Variants in CPM observed in about 807,000 individuals in gnomAD.
The protein encoded by CPM is renal carboxypeptidase.
In CPM, 35 loss-of-function variants were observed where a neutral mutation model predicts 46.4. The observed-to-expected ratio is 0.75, with a 90% CI of 0.58 to 1.00. The LOEUF (loss-of-function observed/expected upper bound fraction) is 1.00, where lower values mean the gene tolerates loss of function less well. CPM is among the 50% of genes least tolerant of loss of function. The pLI, the probability that CPM is intolerant of heterozygous loss-of-function variation, is 0.00. For synonymous variants in CPM, 195 were observed against 195.3 expected, an observed-to-expected ratio of 1.00 and a Z score of 0.01; for missense variants, 422 against 530.4, an observed-to-expected ratio of 0.80 and a Z score of 2.01.
chr12:68,951,471 G>T (rs12310488), intron 1 of CPM, among the ~76,000 whole-genome samples: 5,900 of 152,174 alleles, frequency 0.039, 151 homozygotes, highest in East Asian at 0.088. Context: ...GGTGAGTAGG[G>T]GAGAGGAGTA....
chr12:68,866,853 C>T, intron 7 of CPM, 43 bp downstream of exon 7: 2 of 1,554,888 alleles, frequency 1.3e-6, no homozygotes, highest in South Asian at 1.1e-5. Context: ...GCCAGATGCT[C>T]TATTTTGTAT....
chr12:68,874,342 G>A (rs187236934), intron 3 of CPM, among the ~76,000 whole-genome samples: 64 of 152,232 alleles, frequency 4.2e-4, no homozygotes, highest in Admixed American at 1.2e-3. Context: ...GGGGCTGGGC[G>A]TGGAGGCTTA....
intron 1 of CPM, among the ~76,000 whole-genome samples, chr12:68,941,431 T>C (rs1381331590): frequency 5.3e-5 from 8 of 152,140 alleles, no homozygotes; most frequent in African/African-American, 1.9e-4. Context: ...TGGAGTGCAG[T>C]GACGTGATCA....
At chr12:68,935,436 T>G (rs1233081189), upstream of CPM, among the ~76,000 whole-genome samples, 1 of 151,570 alleles carries the variant, frequency 6.6e-6, no homozygotes, top group Non-Finnish European at 1.5e-5. Flanking sequence ...AACTTTTGTA[T>G]TTTTACACCA....
rs1201198906 is a variant in CPM, at chr12:68,852,936, T to C, written c.*3501A>G. 1.3e-5 allele frequency: 2 copies of C among 152,056 alleles called. No individual in the cohort carries two copies. Among genetic ancestry groups the C allele is most frequent in the Non-Finnish European group, 2.9e-5 (2 of 68,006 alleles). 9.4% of individuals were successfully genotyped at this position (152,056 alleles called of 1,614,324 possible). ...AGTGTGTATCAGGTTGGTTTCTCTA[T>C]AAAAGGAATTATAGCTGAACTAGAG... On this transcript the variant is annotated 3_prime_UTR_variant, in exon 9 of 9. Coordinates refer to ENST00000551568, the MANE Select transcript of CPM (RefSeq NM_198320.5).
At chr12:68,856,855 T>C (rs1050922498) in intron 8 of CPM, among the ~76,000 whole-genome samples, 176 bp from the exon 9 acceptor site, 2 of 152,200 alleles carry the variant, frequency 1.3e-5, no homozygotes, top group African/African-American at 4.8e-5. Flanking sequence ...CCAATGCCTG[T>C]TGACAGAGAC....
chr12:68,922,488 G>C (rs1364704190), intron 2 of CPM, among the ~76,000 whole-genome samples: 1 of 152,236 alleles, frequency 6.6e-6, no homozygotes, highest in African/African-American at 2.4e-5. Context: ...ATAGACTAAA[G>C]ACTGGGGTAG....
intron 3 of CPM, among the ~76,000 whole-genome samples, chr12:68,875,742 G>C (rs1471195761): frequency 6.0e-5 from 9 of 149,772 alleles, no homozygotes; most frequent in African/African-American, 2.2e-4. Context: ...GGAGTTGGAG[G>C]TTGCAGTGAG....
In CPM at chr12:68,870,206, C is replaced by T. The variant is rs374416175; in HGVS notation, c.616+9G>A. The T allele has an allele frequency of 2.4e-5, 39 of 1,610,592 alleles. No individual in the cohort carries two copies. The African/African-American group carries it at 4.8e-4, about 20-fold the overall frequency. ...TTAAGAAGCCAGAACTGGACCCGCA[C>T]CTGCTTACCTTGAACACCATTATCA... On this transcript the variant is annotated intron_variant, in intron 5 of 8. Coordinates refer to ENST00000551568, the MANE Select transcript of CPM (RefSeq NM_198320.5).
intron 1 of CPM, among the ~76,000 whole-genome samples, chr12:68,945,639 G>A (rs61926310): frequency 0.14 from 20,860 of 152,026 alleles, 1,734 homozygotes; most frequent in Middle Eastern, 0.19. Flanking sequence ...TATCCACATC[G>A]TTAGTATAGC....
chr12:68,862,074 C>T (rs114862467), intron 7 of CPM, among the ~76,000 whole-genome samples: 1,179 of 94,486 alleles, frequency 0.012, 246 homozygotes, highest in African/African-American at 0.052. Flanking sequence ...ACAACACCTA[C>T]GTATCAGTGT....
chr12:68,933,273 G>T (rs1420559350), upstream of CPM: 1 of 151,726 alleles, frequency 6.6e-6, no homozygotes, highest in Non-Finnish European at 1.5e-5. Context: ...AGCCGCGCGG[G>T]TGCCTCCCGG....
chr12:68,959,248 T>C lies in CPM; in HGVS notation c.-4+3921A>G, dbSNP rs1889074078. 2.0e-5 allele frequency among the ~76,000 whole-genome samples: 3 copies of C among 152,202 alleles called. 1 individual carries two copies. Among genetic ancestry groups the C allele is most frequent in the Non-Finnish European group, 4.4e-5 (3 of 68,042 alleles). On this transcript the variant is annotated intron_variant, in intron 1 of 8. Transcript: ENST00000546373. ...TAAGTCTTCAGGATATGTTTGATGA[T>C]TAAATGAATGAATGAATATCTTTTA...
chr12:68,861,053 G>T (rs796962335), intron 7 of CPM, among the ~76,000 whole-genome samples: 25 of 151,700 alleles, frequency 1.6e-4, no homozygotes, highest in African/African-American at 5.8e-4. Context: ...GCTAATTTTT[G>T]TATTTTTTTG....
rs541013288 is a variant in CPM at position 68,949,239 on chromosome 12, C to T, written c.-4+13930G>A. 4.3e-4 allele frequency among the ~76,000 whole-genome samples: 65 copies of T among 152,198 alleles called. 1 individual carries two copies. In the South Asian group the frequency reaches 0.013, roughly 30 times the overall value. The stretch of plus-strand genomic sequence containing the variant: ...TACAAAAATTAGTTGGGCATGGTGG[C>T]ACACACCTGTGGTCCCAGCTACTCA... On this transcript the variant is annotated intron_variant, in intron 1 of 8. Transcript: ENST00000546373.
At chr12:68,909,927 T>C (rs1028405548) in intron 2 of CPM, among the ~76,000 whole-genome samples, 10 of 151,772 alleles carry the variant, frequency 6.6e-5, no homozygotes, top group South Asian at 4.2e-4. Context: ...ATGGCACATG[T>C]ATACCTATGT....
intron 5 of CPM, among the ~76,000 whole-genome samples, chr12:68,869,949 A>G (rs985550262): frequency 2.0e-5 from 3 of 152,240 alleles, no homozygotes; most frequent in African/African-American, 7.2e-5. Flanking sequence ...GAGAATCAAA[A>G]TCTGACTATT....
chr12:68,938,326 C>G (rs140239252), intron 1 of CPM, among the ~76,000 whole-genome samples: 1 of 151,872 alleles, frequency 6.6e-6, no homozygotes, highest in Admixed American at 6.6e-5. Flanking sequence ...TGCTTGACCC[C>G]AGGGGTTTGA....
chr12:68,927,416 T>C (rs1286723355), intron 2 of CPM, among the ~76,000 whole-genome samples: 1 of 152,188 alleles, frequency 6.6e-6, no homozygotes, highest in Non-Finnish European at 1.5e-5. Flanking sequence ...GGGTTGTCTG[T>C]TTTTTTCTTG....
Sources: gnomAD v4.1 joint callset for allele counts (sites outside exome capture counted in the v4.1 genomes callset) on GRCh38, gnomAD v4.1.1 for gene constraint, MANE v1.5 for transcripts, NCBI Gene and HGNC (gene_info 2026-07-23, HGNC 2026-07-21) for gene names.